The following C22orf42 variants were observed in gnomAD, a reference collection of about 807,000 sequenced individuals.
C22orf42 encodes the protein uncharacterized protein C22orf42.
C22orf42 carries 24 observed loss-of-function variants against 31.4 expected under a neutral mutation model. The observed-to-expected ratio is 0.77, with a 90% CI of 0.55 to 1.08. The LOEUF (loss-of-function observed/expected upper bound fraction) is 1.08, where lower values mean the gene tolerates loss of function less well. Ranked by LOEUF, C22orf42 falls within the 50% of genes least tolerant of loss-of-function variation. The pLI, the probability that C22orf42 is intolerant of heterozygous loss-of-function variation, is 0.00. For missense variants in C22orf42, 276 were observed against 327.3 expected, an observed-to-expected ratio of 0.84 and a Z score of 1.21; for synonymous variants, 96 against 112.7, an observed-to-expected ratio of 0.85 and a Z score of 0.94.
chr22:32,149,524 C>T lies in C22orf42; in HGVS notation c.*16G>A, dbSNP rs1936823439. Reference sequence around the variant, plus strand: ...GGCGTGATGGCAGGCGTCTGTAATCCCAGCTACTTGGAACACTAAAGCCGG... The same window carrying T: ...GGCGTGATGGCAGGCGTCTGTAATCTCAGCTACTTGGAACACTAAAGCCGG... On this transcript the variant is annotated 3_prime_UTR_variant, in exon 9 of 9. Coordinates refer to ENST00000382097, the MANE Select transcript of C22orf42 (RefSeq NM_001010859.3). The T allele has an allele frequency of 3.3e-6, 5 of 1,525,474 alleles. No homozygotes were observed. The highest frequency in any genetic ancestry group is 4.4e-6 in the Non-Finnish European group (5 of 1,130,006). 94.5% of individuals were successfully genotyped at this position (1,525,474 alleles called of 1,614,324 possible).
rs2094108478 is a variant in C22orf42, at chr22:32,149,619, G to C, written c.683-6C>G. ...CCGTGCCATCTTAACCCAGCCTAGG[G>C]GAAAAGAACAAGACTTCATCTCAAA... On this transcript the variant is annotated splice_region_variant and splice_polypyrimidine_tract_variant and intron_variant, in intron 8 of 8. Transcript: ENST00000382097. The C allele has an allele frequency of 6.8e-7, 1 of 1,475,898 alleles. No individual in the cohort carries two copies. Among genetic ancestry groups the C allele is most frequent in the African/African-American group, 1.5e-5 (1 of 67,612 alleles). 91.4% of individuals were successfully genotyped at this position (1,475,898 alleles called of 1,614,324 possible).
intron 2 of C22orf42, among the ~76,000 whole-genome samples, chr22:32,153,328 C>T (rs1214958527): frequency 2.0e-5 from 3 of 152,144 alleles, no homozygotes; most frequent in Non-Finnish European, 2.9e-5. Context: ...TGATAAACCT[C>T]TACCTTGGCT....
At chr22:32,154,829 G>A (rs112800702) in intron 1 of C22orf42, among the ~76,000 whole-genome samples, 598 of 133,484 alleles carry the variant, frequency 4.5e-3, no homozygotes, top group African/African-American at 9.9e-3. Flanking sequence ...CAATGTCTGG[G>A]AGAATAATCC....
chr22:32,151,056 A>T, intron 5 of C22orf42, 37 bp from the exon 6 acceptor site: 1 of 1,607,794 alleles, frequency 6.2e-7, no homozygotes, highest in East Asian at 2.2e-5. Flanking sequence ...CACCATGAGG[A>T]TCAGATCTTG....
intron 5 of C22orf42, 62 bp from the exon 6 acceptor site, chr22:32,151,081 C>T (rs2094112459): frequency 7.7e-6 from 12 of 1,561,542 alleles, no homozygotes; most frequent in Non-Finnish European, 9.6e-6. Flanking sequence ...GTTCTGTTGG[C>T]AAAGGCCTTT....
At chr22:32,156,244 A>T (rs1426327571) in intron 1 of C22orf42, among the ~76,000 whole-genome samples, 4 of 152,150 alleles carry the variant, frequency 2.6e-5, no homozygotes, top group African/African-American at 9.7e-5. Context: ...TTGATCTGAC[A>T]TTTATTTTTT....
upstream of C22orf42, chr22:32,159,331 A>T: frequency 1.4e-6 from 2 of 1,470,956 alleles, no homozygotes; most frequent in Non-Finnish European, 1.8e-6. Context: ...GCCGTTGCCT[A>T]GTAACCACAA....
chr22:32,160,118 A>G (rs1157112298), upstream of C22orf42: 1 of 152,120 alleles, frequency 6.6e-6, no homozygotes, highest in Non-Finnish European at 1.5e-5. Flanking sequence ...AAACCATTCC[A>G]TTTTACGGAT....
chr22:32,155,663 A>G (rs1374637266), intron 1 of C22orf42, among the ~76,000 whole-genome samples: 2 of 151,790 alleles, frequency 1.3e-5, no homozygotes, highest in Non-Finnish European at 2.9e-5. Flanking sequence ...GAGCTGTGAC[A>G]TTTGATATAT....
At chr22:32,153,174 G>C (rs1398805595) in intron 2 of C22orf42, among the ~76,000 whole-genome samples, 1 of 152,116 alleles carries the variant, frequency 6.6e-6, no homozygotes, top group Non-Finnish European at 1.5e-5. Context: ...GCTTCAACTT[G>C]GGCAATGAGA....
At position 32,152,049 on chromosome 22, in the gene C22orf42, T is replaced by TAA; in HGVS notation, c.400+16_400+17dup. On this transcript the variant is annotated intron_variant, in intron 4 of 8. Transcript: ENST00000382097. ...TCAACTACATGTAAATAAAGCTGTTTAAAAAAAAAATACGTACGGTGGTCG... is the reference window on the plus strand; with the variant it reads ...TCAACTACATGTAAATAAAGCTGTTTAAAAAAAAAAAATACGTACGGTGGTCG... 2 of 1,429,384 alleles carry TAA rather than the reference T, an allele frequency of 1.4e-6. No individual in the cohort carries two copies. The highest frequency in any genetic ancestry group is 2.0e-5 in the Admixed American group (1 of 50,456). The allele number at this position is 1,429,384 out of a possible 1,614,324, so 88.5% of individuals were successfully genotyped here. A position where few individuals can be genotyped will look rare whatever the true frequency, so the allele number is the denominator to read the frequency against.
chr22:32,149,601 A>G lies in C22orf42; in HGVS notation c.695T>C (p.Met232Thr), dbSNP rs2094108454. 3 of 1,516,882 alleles carry G rather than the reference A, an allele frequency of 2.0e-6. No homozygotes were observed. The African/African-American group carries it at 4.2e-5, about 21-fold the overall frequency. 94.0% of individuals were successfully genotyped at this position (1,516,882 alleles called of 1,614,324 possible). ...RYEDYLCWVK[M>T]ARSRLNEPIS... The stretch of plus-strand genomic sequence containing the variant: ...GGGTTCATTGAGCCGAGACCGTGCC[A>G]TCTTAACCCAGCCTAGGGGAAAAGA... Residue 232 changes from methionine to threonine, a missense_variant, in exon 9 of 9, where the codon ATG (methionine) becomes ACG (threonine). Coordinates refer to ENST00000382097, the MANE Select transcript of C22orf42 (RefSeq NM_001010859.3).
At chr22:32,158,559 A>C (rs949525738) in intron 1 of C22orf42, among the ~76,000 whole-genome samples, 1 of 152,178 alleles carries the variant, frequency 6.6e-6, no homozygotes, top group Non-Finnish European at 1.5e-5. Flanking sequence ...TTCCATGGCA[A>C]ACTCTATTTT....
intron 5 of C22orf42, among the ~76,000 whole-genome samples, 179 bp from the exon 6 acceptor site, chr22:32,151,198 A>C (rs2094112673): frequency 6.6e-6 from 1 of 151,986 alleles, no homozygotes; most frequent in South Asian, 2.1e-4. Flanking sequence ...GTTTTTTGGA[A>C]TATTTAGCAA....
At position 32,149,418 on chromosome 22, in the gene C22orf42, G is replaced by A; in HGVS notation, c.*122C>T. On this transcript the variant is annotated 3_prime_UTR_variant, in exon 9 of 9. Transcript: ENST00000382097. ...ACAAACTGCAGGTCACTGTTCACAG[G>A]TGCTCAGTAGGAAGAGAGAGAGGCT... The A allele has an allele frequency of 1.6e-6, 2 of 1,224,900 alleles. No individual in the cohort carries two copies. Among genetic ancestry groups the A allele is most frequent in the Non-Finnish European group, 2.1e-6 (2 of 950,766 alleles). 75.9% of individuals were successfully genotyped at this position (1,224,900 alleles called of 1,614,324 possible).
chr22:32,153,827 C>T (rs1921099953), intron 2 of C22orf42, among the ~76,000 whole-genome samples: 1 of 150,382 alleles, frequency 6.6e-6, no homozygotes, highest in Non-Finnish European at 1.5e-5. Context: ...TTGAACTAAG[C>T]CTGGGCAACA....
At chr22:32,150,194 C>G (rs2094110116) in intron 7 of C22orf42, 125 bp downstream of exon 7, 2 of 993,820 alleles carry the variant, frequency 2.0e-6, no homozygotes, top group African/African-American at 3.3e-5. Flanking sequence ...GATATTCCAG[C>G]CAACAAAAAA....
upstream of C22orf42, chr22:32,159,556 T>G: frequency 9.7e-7 from 1 of 1,032,094 alleles, no homozygotes; most frequent in South Asian, 3.0e-5. Context: ...AGGTTGTTAT[T>G]GGAAGTCACC....
chr22:32,154,846 T>G (rs1314582911), intron 1 of C22orf42, among the ~76,000 whole-genome samples: 1 of 152,202 alleles, frequency 6.6e-6, no homozygotes, highest in African/African-American at 2.4e-5. Context: ...ATCCAGATAC[T>G]TGGTAGTGGT....
Sources: allele counts gnomAD v4.1 joint callset (sites outside exome capture counted in the v4.1 genomes callset), GRCh38; gene constraint gnomAD v4.1.1; transcripts MANE v1.5; gene names NCBI Gene and HGNC (gene_info 2026-07-23, HGNC 2026-07-21).